The following PUDP variants were observed in gnomAD, a reference collection of about 807,000 sequenced individuals.
PUDP encodes the protein pseudouridine-5'-phosphatase.
In PUDP, 8 loss-of-function variants were observed where a neutral mutation model predicts 9.4. That is an observed-to-expected ratio of 0.85 (90% CI 0.50 to 1.53). The LOEUF (loss-of-function observed/expected upper bound fraction) is 1.53, where lower values mean the gene tolerates loss of function less well. PUDP is among the 40% of genes most tolerant of loss of function. The probability of loss-of-function intolerance (pLI) is 0.00; values close to 1 mark genes in which losing one functional copy is unlikely to be tolerated. For synonymous variants in PUDP, 99 were observed against 80.7 expected (o/e 1.23, Z -1.22); for missense variants, 188 against 189.7 (o/e 0.99, Z 0.05).
chrX:6,767,083 G>T (rs1267781282), intron 3 of PUDP, among the ~76,000 whole-genome samples: 1 of 112,762 alleles, frequency 8.9e-6, no homozygotes, highest in Non-Finnish European at 1.9e-5. Flanking sequence ...TCTTAACTTT[G>T]TATTTTCCAT....
chrX:6,962,744 TA>T (rs1461154705), intron 3 of PUDP, among the ~76,000 whole-genome samples: 2 of 112,797 alleles, frequency 1.8e-5, no homozygotes, highest in African/African-American at 6.4e-5. Flanking sequence ...GTAAATTCTC[TA>T]AAAACTACAT....
At chrX:6,755,351 A>G (rs1478821752) in intron 3 of PUDP, among the ~76,000 whole-genome samples, 1 of 111,965 alleles carries the variant, frequency 8.9e-6, no homozygotes, top group Non-Finnish European at 1.9e-5. Context: ...AACTGTATAT[A>G]CAAATTATAG....
rs1225934385 is a variant in PUDP at position 7,096,974 on chromosome X, G to A, written c.280+8646C>T. Among the ~76,000 whole-genome samples the A allele has an allele frequency of 5.4e-5, 6 of 111,346 alleles. No individual in the cohort carries two copies. In the South Asian group the frequency reaches 1.9e-3, roughly 36 times the overall value. ...AATGATGTGTTTCATGAGACACACT[G>A]GAAAGGAAAATCTCCTTTACTGAAT... On this transcript the variant is annotated intron_variant, in intron 2 of 3. Transcript: ENST00000381077.
intron 1 of PUDP, among the ~76,000 whole-genome samples, chrX:7,141,586 G>A (rs183067275): frequency 2.6e-5 from 3 of 113,245 alleles, no homozygotes; most frequent in Non-Finnish European, 5.6e-5. Flanking sequence ...CTGATGGAGA[G>A]GCCGCAGCAA....
chrX:6,790,091 A>C (rs1286396049), intron 3 of PUDP, among the ~76,000 whole-genome samples: 1 of 111,534 alleles, frequency 9.0e-6, no homozygotes, highest in Non-Finnish European at 1.9e-5. Context: ...ATATAGACAG[A>C]TGATAGATAG....
At chrX:7,122,045 G>A (rs1932356496) in intron 1 of PUDP, among the ~76,000 whole-genome samples, 1 of 111,236 alleles carries the variant, frequency 9.0e-6, no homozygotes, top group Admixed American at 9.5e-5. Context: ...AAAATTAGCT[G>A]GGTGTGGTAG....
At chrX:7,122,137 A>G (rs1932358699) in intron 1 of PUDP, among the ~76,000 whole-genome samples, 1 of 110,780 alleles carries the variant, frequency 9.0e-6, no homozygotes, top group East Asian at 2.9e-4. Context: ...ACAGTCAGCT[A>G]TGGTTGCACC....
At chrX:6,990,486 G>A (rs1299891072) in intron 1 of PUDP, among the ~76,000 whole-genome samples, 2 of 112,053 alleles carry the variant, frequency 1.8e-5, no homozygotes, top group Non-Finnish European at 3.8e-5. Flanking sequence ...TCTAAAAAAC[G>A]AGGAATCAAC....
At chrX:6,790,709 T>C (rs1419827782) in intron 3 of PUDP, among the ~76,000 whole-genome samples, 1 of 112,656 alleles carries the variant, frequency 8.9e-6, no homozygotes, top group African/African-American at 3.2e-5. Context: ...TAACTCCACT[T>C]ATGTGCTAAC....
At chrX:6,826,297 T>G (rs1926421797) in intron 3 of PUDP, among the ~76,000 whole-genome samples, 1 of 111,934 alleles carries the variant, frequency 8.9e-6, no homozygotes, top group African/African-American at 3.2e-5. Flanking sequence ...AATGTACAAT[T>G]TATATAAAAT....
At chrX:7,022,666 G>T (rs1743077010) in intron 1 of PUDP, among the ~76,000 whole-genome samples, 1 of 111,814 alleles carries the variant, frequency 8.9e-6, no homozygotes, top group South Asian at 3.8e-4. Context: ...TTACAGCAAT[G>T]CCCTGGGCTT....
intron 1 of PUDP, among the ~76,000 whole-genome samples, chrX:6,710,866 C>T (rs1438068308): frequency 8.9e-6 from 1 of 111,925 alleles, no homozygotes; most frequent in African/African-American, 3.2e-5. Flanking sequence ...CAGTTTTCCT[C>T]CATAGCTGGA....
At chrX:6,844,032 C>A (rs991161318) in intron 3 of PUDP, among the ~76,000 whole-genome samples, 11 of 112,290 alleles carry the variant, frequency 9.8e-5, no homozygotes, top group African/African-American at 3.6e-4. Flanking sequence ...GGGGAGAATC[C>A]ATTGATTGTA....
rs1382423209 is a variant in PUDP at position 6,853,126 on chromosome X, G to A, written c.*247+124007C>T. On this transcript the variant is annotated intron_variant and NMD_transcript_variant, in intron 3 of 3. Transcript: ENST00000655425. ...AATTTTCCATTGTAGGCACGTCTGG[G>A]CAAGTCACCTGTGTAGACTTTGTTA... Among the ~76,000 whole-genome samples the A allele has an allele frequency of 7.2e-5, 8 of 111,669 alleles. No individual in the cohort carries two copies. In the Admixed American group the frequency reaches 7.6e-4, roughly 11 times the overall value.
chrX:6,946,134 C>T (rs1928461424), intron 3 of PUDP, among the ~76,000 whole-genome samples: 1 of 111,320 alleles, frequency 9.0e-6, no homozygotes, highest in African/African-American at 3.3e-5. Flanking sequence ...GTGGTTCTGG[C>T]TCGTCTATGG....
intron 1 of PUDP, among the ~76,000 whole-genome samples, chrX:7,009,135 A>G (rs759366119): frequency 2.0e-4 from 22 of 112,719 alleles, no homozygotes; most frequent in African/African-American, 6.8e-4. Flanking sequence ...ATGGCCAACA[A>G]ATATCTACTA....
At chrX:6,768,548 A>G (rs994215886) in intron 3 of PUDP, among the ~76,000 whole-genome samples, 1 of 111,853 alleles carries the variant, frequency 8.9e-6, no homozygotes, top group African/African-American at 3.2e-5. Context: ...TGTGGAGGCT[A>G]TTGATGTTGG....
intron 3 of PUDP, among the ~76,000 whole-genome samples, chrX:6,829,025 T>C (rs1256442890): frequency 1.8e-5 from 2 of 110,400 alleles, no homozygotes; most frequent in Non-Finnish European, 3.8e-5. Flanking sequence ...GGTTGGAGTT[T>C]TGGGGAGGTG....
intron 3 of PUDP, among the ~76,000 whole-genome samples, chrX:6,766,695 T>TTCTATC (rs1215754215): frequency 2.7e-5 from 3 of 111,872 alleles, no homozygotes; most frequent in African/African-American, 9.7e-5. Flanking sequence ...TATAGGATAT[T>TTCTATC]TCTATCCACA....
Sources: gnomAD v4.1 joint callset for allele counts (sites outside exome capture counted in the v4.1 genomes callset) on GRCh38, gnomAD v4.1.1 for gene constraint, MANE v1.5 for transcripts, NCBI Gene and HGNC (gene_info 2026-07-23, HGNC 2026-07-21) for gene names.